Variants in TAF4 observed in about 807,000 individuals in gnomAD.
The protein encoded by TAF4 is TATA-box binding protein associated factor 4.
TAF4 carries 9 observed loss-of-function variants against 90.3 expected under a neutral mutation model. The observed-to-expected ratio is 0.10, with a 90% CI of 0.06 to 0.17. The LOEUF is 0.17. TAF4 is among the 10% of genes least tolerant of loss of function. The probability of loss-of-function intolerance (pLI) is 1.00; values close to 1 mark genes in which losing one functional copy is unlikely to be tolerated. For missense variants in TAF4, 1,351 were observed against 1,370.7 expected, an observed-to-expected ratio of 0.99 and a Z score of 0.23; for synonymous variants, 818 against 638.9, an observed-to-expected ratio of 1.28 and a Z score of -4.23.
chr20:62,013,913 G>GTGTC (rs2055795110), intron 2 of TAF4, among the ~76,000 whole-genome samples: 1 of 128,884 alleles, frequency 7.8e-6, no homozygotes, highest in Non-Finnish European at 1.7e-5. Context: ...GCGGGTGTGT[G>GTGTC]TGTGTGTGTG....
chr20:62,011,468 T>C (rs1339022134), intron 3 of TAF4, among the ~76,000 whole-genome samples: 1 of 152,194 alleles, frequency 6.6e-6, no homozygotes, highest in Admixed American at 6.5e-5. Flanking sequence ...AAAAAGTCAC[T>C]GTAACCAAAA....
chr20:62,061,337 C>A (rs2056087641), intron 1 of TAF4, among the ~76,000 whole-genome samples: 1 of 152,246 alleles, frequency 6.6e-6, no homozygotes, highest in Non-Finnish European at 1.5e-5. Context: ...CACACATTCA[C>A]CTGGGAGTAC....
chr20:62,034,386 C>T (rs2055920894), intron 1 of TAF4, among the ~76,000 whole-genome samples: 1 of 152,180 alleles, frequency 6.6e-6, no homozygotes, highest in Non-Finnish European at 1.5e-5. Flanking sequence ...TGCAGTGGCA[C>T]AATCATAGCT....
At position 62,006,265 on chromosome 20, in the gene TAF4, C is replaced by T. The variant is rs969960115; in HGVS notation, c.2223+245G>A. ...AGTAACATCCCCAGACAAGGCAGGGCGGGGACGTGCCGGTGGTTCAAAGCC... is the reference window on the plus strand; with the variant it reads ...AGTAACATCCCCAGACAAGGCAGGGTGGGGACGTGCCGGTGGTTCAAAGCC... On this transcript the variant is annotated intron_variant, in intron 7 of 14. Transcript: ENST00000252996. This position sits in a 1 kb window ranked among gnomAD's most constrained non-coding sequence, Gnocchi z 7.0. The T allele has an allele frequency of 2.3e-5, 10 of 428,504 alleles. No individual in the cohort carries two copies. The highest frequency in any genetic ancestry group is 3.5e-5 in the Non-Finnish European group (9 of 257,096). The allele number at this position is 428,504 out of a possible 1,614,324, so 26.5% of individuals were successfully genotyped here. A position where few individuals can be genotyped will look rare whatever the true frequency, so the allele number is the denominator to read the frequency against.
At position 62,064,991 on chromosome 20, in the gene TAF4, GT is replaced by G; in HGVS notation, c.819del (p.Ala276ArgfsTer133). 1 of 273,832 alleles carries G rather than the reference GT, an allele frequency of 3.7e-6. No homozygotes were observed. The highest frequency in any genetic ancestry group is 5.2e-6 in the Non-Finnish European group (1 of 191,048). The allele number at this position is 273,832 out of a possible 1,614,324, so 17.0% of individuals were successfully genotyped here. A position where few individuals can be genotyped will look rare whatever the true frequency, so the allele number is the denominator to read the frequency against. ...CGGGCCAGAGTGGCGGGCGCGGGGG[GT>G]GGCGGGGGCGGGGCGGCGGCGGGGG... ...PAAPAAAPPP[P>X]PPAPATLARP... On this transcript the variant is annotated frameshift_variant, in exon 1 of 15. Coordinates refer to ENST00000252996, the MANE Select transcript of TAF4 (RefSeq NM_003185.4). LOFTEE classifies it high-confidence loss of function.
chr20:62,015,547 G>C (rs2055807624), intron 1 of TAF4, among the ~76,000 whole-genome samples: 1 of 152,174 alleles, frequency 6.6e-6, no homozygotes, highest in Non-Finnish European at 1.5e-5. Flanking sequence ...AGACAGCCCA[G>C]CACCAAGGAG....
At chr20:62,062,031 G>C (rs964097768) in intron 1 of TAF4, among the ~76,000 whole-genome samples, 1 of 152,170 alleles carries the variant, frequency 6.6e-6, no homozygotes, top group Admixed American at 6.5e-5. Context: ...GGAAGGGCAG[G>C]CCCTTTCACA....
At chr20:61,993,645 A>G (rs2055645511) in intron 14 of TAF4, among the ~76,000 whole-genome samples, 1 of 152,206 alleles carries the variant, frequency 6.6e-6, no homozygotes, top group Non-Finnish European at 1.5e-5. Context: ...CCATAAAGTC[A>G]GGGCAGCAGT....
Position 62,009,029 on chromosome 20 carries a change from A to T in TAF4, c.1884+23T>A, listed in dbSNP as rs1423992597. On this transcript the variant is annotated intron_variant, in intron 5 of 14. Transcript: ENST00000252996. Reference sequence around the variant, plus strand: ...ATGCAACAGGCTTTAGGGGAAAGGGAATGTAAAGTCAAGGTTTCTCACCAG... The same window carrying T: ...ATGCAACAGGCTTTAGGGGAAAGGGTATGTAAAGTCAAGGTTTCTCACCAG... 2.5e-6 allele frequency: 4 copies of T among 1,607,336 alleles called. No individual in the cohort carries two copies. The African/African-American group carries it at 5.4e-5, about 22-fold the overall frequency.
intron 2 of TAF4, among the ~76,000 whole-genome samples, chr20:62,013,906 GGTGTGTGTGTGTGTGTGTGTGTGT>G (rs56801841): frequency 1.6e-4 from 17 of 107,404 alleles, no homozygotes; most frequent in Admixed American, 5.9e-4. Context: ...GGCTGACGCG[GGTGTGTGTGTGTGTGTGTGTGTGT>G]GTGTGTGTGT....
At chr20:61,989,964 G>A (rs563639523) in intron 14 of TAF4, among the ~76,000 whole-genome samples, 5 of 152,284 alleles carry the variant, frequency 3.3e-5, no homozygotes, top group African/African-American at 9.6e-5. Flanking sequence ...GTGGAGGTGC[G>A]ATAAGGGTGG....
In TAF4 at chr20:62,064,657, C is replaced by A; in HGVS notation, c.1154G>T (p.Ser385Ile). 7.7e-7 allele frequency: 1 copy of A among 1,303,480 alleles called. No homozygotes were observed. Among genetic ancestry groups the A allele is most frequent in the Non-Finnish European group, 9.7e-7 (1 of 1,033,192 alleles). The allele number at this position is 1,303,480 out of a possible 1,614,324, so 80.7% of individuals were successfully genotyped here. A position where few individuals can be genotyped will look rare whatever the true frequency, so the allele number is the denominator to read the frequency against. Residue 385 changes from serine (S) to isoleucine (I), a missense_variant, in exon 1 of 15, where the codon AGC becomes ATC. Transcript: ENST00000252996. ...IGPTMQGALP[S>I]PAAVPPPAPG... is the part of the protein sequence containing the mutation. ...GGCGGGCGGCGGGACGGCGGCCGGGCTGGGCAGCGCCCCTTGCATAGTTGG... is the reference window on the plus strand; with the variant it reads ...GGCGGGCGGCGGGACGGCGGCCGGGATGGGCAGCGCCCCTTGCATAGTTGG...
chr20:62,033,665 A>T (rs2055916237), intron 1 of TAF4, among the ~76,000 whole-genome samples: 1 of 150,488 alleles, frequency 6.6e-6, no homozygotes, highest in Admixed American at 6.7e-5. Flanking sequence ...TGAACCCGGG[A>T]GGCAGAGGTT....
intron 1 of TAF4, among the ~76,000 whole-genome samples, chr20:62,062,378 G>A (rs946051372): frequency 6.6e-6 from 1 of 152,030 alleles, no homozygotes; most frequent in Non-Finnish European, 1.5e-5. Flanking sequence ...CTCTGGTTTG[G>A]GATACTGGTA....
At chr20:62,020,330 G>A (rs930241026) in intron 1 of TAF4, among the ~76,000 whole-genome samples, 1 of 152,198 alleles carries the variant, frequency 6.6e-6, no homozygotes, top group East Asian at 1.9e-4. Context: ...CTCTCCTCCT[G>A]AGGCTACAGG....
chr20:62,002,182 C>T (rs2055709819), intron 9 of TAF4, among the ~76,000 whole-genome samples: 1 of 152,220 alleles, frequency 6.6e-6, no homozygotes, highest in Admixed American at 6.5e-5. Flanking sequence ...AGTGCCCTCC[C>T]TTCTCACTGA....
In TAF4 at chr20:62,060,950, C is replaced by T. The variant is rs144286361; in HGVS notation, c.1360+3501G>A. On this transcript the variant is annotated intron_variant, in intron 1 of 14. Coordinates refer to ENST00000252996, the MANE Select transcript of TAF4 (RefSeq NM_003185.4). ...CTGGGAGAGTTTGGAATAGTGAGCG[C>T]CACCTGACAGCTATGTTATCTGGCC... Among the ~76,000 whole-genome samples, 914 of 152,338 alleles carry T rather than the reference C, an allele frequency of 6.0e-3. 16 individuals carry two copies. The highest frequency in any genetic ancestry group is 0.021 in the African/African-American group (868 of 41,556).
In TAF4 at chr20:61,997,740, T is replaced by C. The variant is rs183478465; in HGVS notation, c.2971-71A>G. The C allele has an allele frequency of 5.1e-5, 76 of 1,500,990 alleles. 3 individuals are homozygous for C. In the East Asian group the frequency reaches 1.1e-3, roughly 21 times the overall value. The allele number at this position is 1,500,990 out of a possible 1,614,324, so 93.0% of individuals were successfully genotyped here. A position where few individuals can be genotyped will look rare whatever the true frequency, so the allele number is the denominator to read the frequency against. On this transcript the variant is annotated intron_variant, in intron 13 of 14. Coordinates refer to ENST00000252996, the MANE Select transcript of TAF4 (RefSeq NM_003185.4). ...TTTTACTTACTACAAAAGTAATACA[T>C]AGATATGAAAGGGTTTTCTGTAGTT...
intron 1 of TAF4, 113 bp from the exon 2 acceptor site, chr20:62,014,820 A>C: frequency 7.1e-7 from 1 of 1,405,292 alleles, no homozygotes; most frequent in Non-Finnish European, 9.6e-7. Flanking sequence ...AAGGAAATCA[A>C]GTCTTAAACA....
Sources: allele counts gnomAD v4.1 joint callset (sites outside exome capture counted in the v4.1 genomes callset), GRCh38; gene constraint gnomAD v4.1.1; non-coding constraint Gnocchi (gnomAD v3.1); transcripts MANE v1.5; gene names NCBI Gene and HGNC (gene_info 2026-07-23, HGNC 2026-07-21).